The following ROR1 variants were observed in gnomAD, a reference collection of about 807,000 sequenced individuals.
The protein encoded by ROR1 is ROR family WNT receptor 1, also known as inactive tyrosine-protein kinase transmembrane receptor ROR1.
Under a neutral mutation model 78.8 loss-of-function variants are expected in ROR1, and 19 were observed. That is an observed-to-expected ratio of 0.24 (90% CI 0.17 to 0.35). ROR1 has a LOEUF of 0.35. Ranked by LOEUF, ROR1 falls within the 10% of genes least tolerant of loss-of-function variation. The pLI is 1.00. For synonymous variants in ROR1, 386 were observed against 433.6 expected (o/e 0.89, Z 1.36); for missense variants, 917 against 1,177.8 (o/e 0.78, Z 3.24).
At chr1:63,843,060 G>T (rs2100317577) in intron 1 of ROR1, 2 of 499,182 alleles carry the variant, frequency 4.0e-6, no homozygotes, top group East Asian at 7.5e-5. Flanking sequence ...TTGGCAACTG[G>T]AGTGAAGGGA....
At chr1:63,789,281 C>T (rs1374210612) in intron 1 of ROR1, 1 of 548,904 alleles carries the variant, frequency 1.8e-6, no homozygotes, top group Non-Finnish European at 3.4e-6. Context: ...AGGCAAGCCT[C>T]TTCTGAAGCC....
intron 1 of ROR1, among the ~76,000 whole-genome samples, chr1:63,807,701 C>T (rs1054729096): frequency 6.6e-6 from 1 of 152,176 alleles, no homozygotes; most frequent in African/African-American, 2.4e-5. Flanking sequence ...TGATGCCCTA[C>T]GCATGGTTGT....
At chr1:63,881,935 T>C (rs547457343) in intron 1 of ROR1, among the ~76,000 whole-genome samples, 5 of 152,250 alleles carry the variant, frequency 3.3e-5, no homozygotes, top group African/African-American at 1.2e-4. Context: ...GGGATAATGG[T>C]AGATGTACCA....
chr1:64,041,749 A>G (rs1303956552), intron 2 of ROR1, among the ~76,000 whole-genome samples: 1 of 152,234 alleles, frequency 6.6e-6, no homozygotes, highest in Non-Finnish European at 1.5e-5. Flanking sequence ...TTGATGCATT[A>G]GTCCTTGTGT....
intron 4 of ROR1, among the ~76,000 whole-genome samples, chr1:64,051,457 AAAAATAAAATAAAAT>A (rs71056018): frequency 1.2e-4 from 9 of 76,650 alleles, no homozygotes; most frequent in African/African-American, 2.5e-4. Context: ...CTCAAAAATA[AAAAATAAAATAAAAT>A]AAAATAAAAT....
chr1:63,780,387 T>A (rs1644643746), intron 1 of ROR1, among the ~76,000 whole-genome samples: 1 of 152,206 alleles, frequency 6.6e-6, no homozygotes, highest in Non-Finnish European at 1.5e-5. Context: ...CCTAAACTTT[T>A]GAGCCTCTGT....
chr1:63,929,548 A>G (rs1645734323), intron 1 of ROR1, among the ~76,000 whole-genome samples: 1 of 152,166 alleles, frequency 6.6e-6, no homozygotes, highest in African/African-American at 2.4e-5. Context: ...GACCATGGAA[A>G]AGCAGCCTAG....
chr1:63,820,559 C>A (rs1208429716), intron 1 of ROR1, among the ~76,000 whole-genome samples: 1 of 152,138 alleles, frequency 6.6e-6, no homozygotes, highest in African/African-American at 2.4e-5. Context: ...TGCTACCTTG[C>A]AGTCATTTCT....
At position 64,032,210 on chromosome 1, in the gene ROR1, G is replaced by T. The variant is rs537227341; in HGVS notation, c.164-17481G>T. ...AAAAAAATTAGCCGGGCATGGTGGT[G>T]GGTGCCTGTAGTCCCAGCTACTCAG... On this transcript the variant is annotated intron_variant, in intron 2 of 8. Coordinates refer to ENST00000371079, the MANE Select transcript of ROR1 (RefSeq NM_005012.4). Among the ~76,000 whole-genome samples the T allele has an allele frequency of 4.0e-5, 6 of 151,846 alleles. No individual in the cohort carries two copies. In the South Asian group the frequency reaches 1.0e-3, roughly 26 times the overall value.
At position 64,099,822 on chromosome 1, in the gene ROR1, C is replaced by T. The variant is rs886076871; in HGVS notation, c.483-37547C>T. Among the ~76,000 whole-genome samples, 6 of 151,698 alleles carry T rather than the reference C, an allele frequency of 4.0e-5. No individual in the cohort carries two copies. In the East Asian group the frequency reaches 9.9e-4, roughly 25 times the overall value. ...CTGTAATCCCAGCACTTTGGGAGGC[C>T]GAGGCAGGTGGATCACAAGGTCAAG... On this transcript the variant is annotated intron_variant, in intron 4 of 8. Coordinates refer to ENST00000371079, the MANE Select transcript of ROR1 (RefSeq NM_005012.4).
rs144834320 is a variant in ROR1, at chr1:63,869,857, GAC to G, written c.91+95351_91+95352del. ...ACTGGACATAGTTTCTTTAGACAGAGACAGAGGTAAGTAAGTAACCTCACATA... is the reference window on the plus strand; with the variant it reads ...ACTGGACATAGTTTCTTTAGACAGAGAGAGGTAAGTAAGTAACCTCACATA... On this transcript the variant is annotated intron_variant, in intron 1 of 8. Transcript: ENST00000371079. Among the ~76,000 whole-genome samples the G allele has an allele frequency of 8.9e-3, 1,352 of 152,286 alleles. 24 individuals are homozygous for G. Among genetic ancestry groups the G allele is most frequent in the African/African-American group, 0.031 (1,289 of 41,570 alleles).
rs916203429 is a variant in ROR1, at chr1:64,120,897, T to C, written c.483-16472T>C. Among the ~76,000 whole-genome samples the C allele has an allele frequency of 1.2e-4, 19 of 152,070 alleles. 1 individual carries two copies. The highest frequency in any genetic ancestry group is 4.6e-4 in the African/African-American group (19 of 41,382). On this transcript the variant is annotated intron_variant, in intron 4 of 8. Coordinates refer to ENST00000371079, the MANE Select transcript of ROR1 (RefSeq NM_005012.4). Reference sequence around the variant, plus strand: ...GATTTCCCTCCAGTCTAGAGGAGGCTCTCCATAGCTGGAAGGGTATCTCTG... The same window carrying C: ...GATTTCCCTCCAGTCTAGAGGAGGCCCTCCATAGCTGGAAGGGTATCTCTG...
chr1:64,005,592 C>T (rs1164799799), intron 1 of ROR1, among the ~76,000 whole-genome samples: 1 of 152,006 alleles, frequency 6.6e-6, no homozygotes, highest in Non-Finnish European at 1.5e-5. Context: ...AACTTGTGGC[C>T]GTGTCTCTCT....
In ROR1 at chr1:63,845,814, C is replaced by T. The variant is rs147295100; in HGVS notation, c.91+71306C>T. Among the ~76,000 whole-genome samples, 22 of 152,192 alleles carry T rather than the reference C, an allele frequency of 1.4e-4. No individual in the cohort carries two copies. The East Asian group carries it at 3.5e-3, about 24-fold the overall frequency. Reference sequence around the variant, plus strand: ...TTTACCTGCTTTAAAAATCTCTTTTCGGATAGACTGGATATTTGTAGTCTC... The same window carrying T: ...TTTACCTGCTTTAAAAATCTCTTTTTGGATAGACTGGATATTTGTAGTCTC... On this transcript the variant is annotated intron_variant, in intron 1 of 8. Coordinates refer to ENST00000371079, the MANE Select transcript of ROR1 (RefSeq NM_005012.4).
At chr1:63,849,736 T>C (rs555939961) in intron 1 of ROR1, among the ~76,000 whole-genome samples, 1 of 152,230 alleles carries the variant, frequency 6.6e-6, no homozygotes, top group Admixed American at 6.5e-5. Context: ...TCCACAACAG[T>C]GGATGGATTT....
intron 1 of ROR1, among the ~76,000 whole-genome samples, chr1:63,986,926 G>A (rs1646257844): frequency 6.6e-6 from 1 of 151,832 alleles, no homozygotes; most frequent in African/African-American, 2.4e-5. Flanking sequence ...GAAAAGAAGT[G>A]TGACCATATG....
At chr1:64,152,014 A>G (rs1428335917) in intron 7 of ROR1, among the ~76,000 whole-genome samples, 2 of 152,244 alleles carry the variant, frequency 1.3e-5, no homozygotes, top group African/African-American at 2.4e-5. Context: ...CTCCAGAGAC[A>G]GAGAAATCCT....
chr1:64,098,508 G>T (rs1647390947), intron 4 of ROR1, among the ~76,000 whole-genome samples: 1 of 152,156 alleles, frequency 6.6e-6, no homozygotes, highest in Non-Finnish European at 1.5e-5. Flanking sequence ...GGCAAACTAA[G>T]CTTAAGCACA....
intron 1 of ROR1, among the ~76,000 whole-genome samples, chr1:63,797,097 A>G (rs956571113): frequency 1.3e-5 from 2 of 152,202 alleles, no homozygotes; most frequent in Non-Finnish European, 2.9e-5. Context: ...GTTCTTTCTT[A>G]CTTGAAGCTG....
Sources: allele counts gnomAD v4.1 joint callset (sites outside exome capture counted in the v4.1 genomes callset), GRCh38; gene constraint gnomAD v4.1.1; transcripts MANE v1.5; gene names NCBI Gene and HGNC (gene_info 2026-07-23, HGNC 2026-07-21).